The following SPECC1 variants were observed in gnomAD, a reference collection of about 807,000 sequenced individuals.
The protein encoded by SPECC1 is sperm antigen with calponin homology and coiled-coil domains 1, also known as cytospin-B.
In SPECC1, 62 loss-of-function variants were observed where a neutral mutation model predicts 104.1. That is an observed-to-expected ratio of 0.60 (90% confidence interval 0.49 to 0.74). SPECC1 has a LOEUF of 0.74. SPECC1 is among the 30% of genes least tolerant of loss of function. The probability of loss-of-function intolerance (pLI) is 0.00; values close to 1 mark genes in which losing one functional copy is unlikely to be tolerated. For synonymous variants in SPECC1, 513 were observed against 501.6 expected (o/e 1.02, Z -0.30); for missense variants, 1,306 against 1,310.5 (o/e 1.00, Z 0.05).
chr17:20,148,003 C>G (rs1393090047), intron 3 of SPECC1, among the ~76,000 whole-genome samples: 2 of 152,142 alleles, frequency 1.3e-5, no homozygotes, highest in Non-Finnish European at 2.9e-5. Flanking sequence ...AATTGGGCCA[C>G]TGTATTCAAG....
At position 20,318,464 on chromosome 17, in the gene SPECC1, G is replaced by A; in HGVS notation, c.*4399G>A. ...GTTAGATAAAAACACACATCCCCAG[G>A]GGACAAGCCATCCAGCGGTGAGGAA... On this transcript the variant is annotated 3_prime_UTR_variant, in exon 15 of 15. Coordinates refer to ENST00000395527, the MANE Select transcript of SPECC1 (RefSeq NM_001243439.2). The A allele has an allele frequency of 8.6e-6, 2 of 231,666 alleles. No homozygotes were observed. Among genetic ancestry groups the A allele is most frequent in the East Asian group, 1.2e-4 (2 of 16,386 alleles). The allele number at this position is 231,666 out of a possible 1,614,324, so 14.4% of individuals were successfully genotyped here. A position where few individuals can be genotyped will look rare whatever the true frequency, so the allele number is the denominator to read the frequency against.
intron 3 of SPECC1, among the ~76,000 whole-genome samples, chr17:20,148,237 T>C (rs1356540812): frequency 1.3e-5 from 2 of 152,126 alleles, no homozygotes; most frequent in African/African-American, 4.8e-5. Context: ...TGATAAATTT[T>C]ACTTGAAATT....
At chr17:20,218,634 T>C (rs951147798) in intron 4 of SPECC1, among the ~76,000 whole-genome samples, 2 of 152,108 alleles carry the variant, frequency 1.3e-5, no homozygotes, top group African/African-American at 4.8e-5. Flanking sequence ...CCTTATTCTT[T>C]TTTTCTAATT....
At chr17:20,025,459 T>C (rs2044562836) in intron 1 of SPECC1, among the ~76,000 whole-genome samples, 1 of 152,226 alleles carries the variant, frequency 6.6e-6, no homozygotes, top group Admixed American at 6.5e-5. Flanking sequence ...ATGCATGGAA[T>C]CATAATCTGT....
At chr17:20,082,715 C>T (rs1285095411) in intron 1 of SPECC1, among the ~76,000 whole-genome samples, 2 of 152,158 alleles carry the variant, frequency 1.3e-5, no homozygotes, top group African/African-American at 2.4e-5. Flanking sequence ...GATTAGGGCT[C>T]AACCATATGA....
intron 3 of SPECC1, among the ~76,000 whole-genome samples, chr17:20,111,354 A>G (rs1271507935): frequency 6.6e-6 from 1 of 152,234 alleles, no homozygotes; most frequent in South Asian, 2.1e-4. Flanking sequence ...CTCAAAAGGT[A>G]TATTTTAATT....
rs577275932 is a variant in SPECC1 at position 20,240,865 on chromosome 17, CTG to C, written c.2352-5059_2352-5058del. 1.2e-3 allele frequency among the ~76,000 whole-genome samples: 181 copies of C among 152,350 alleles called. 1 individual carries two copies. Among genetic ancestry groups the C allele is most frequent in the African/African-American group, 3.8e-3 (160 of 41,588 alleles). On this transcript the variant is annotated intron_variant, in intron 7 of 14. Coordinates refer to ENST00000395527, the MANE Select transcript of SPECC1 (RefSeq NM_001243439.2). ...AGGCAGACAGTATCAGTGTTGAACTCTGTTTCCAGTCATGAATTTACAAACGC... is the reference window on the plus strand; with the variant it reads ...AGGCAGACAGTATCAGTGTTGAACTCTTTCCAGTCATGAATTTACAAACGC...
intron 1 of SPECC1, among the ~76,000 whole-genome samples, chr17:20,036,481 A>G (rs576927150): frequency 2.6e-5 from 4 of 152,354 alleles, no homozygotes; most frequent in South Asian, 2.1e-4. Flanking sequence ...TTTATCATGT[A>G]CAACATGATG....
In SPECC1 at chr17:20,104,759, A is replaced by G. The variant is rs866408905; in HGVS notation, c.148-5668A>G. 3.0e-3 allele frequency among the ~76,000 whole-genome samples: 446 copies of G among 150,078 alleles called. 3 individuals carry two copies. The highest frequency in any genetic ancestry group is 0.01 in the African/African-American group (414 of 40,834). On this transcript the variant is annotated intron_variant, in intron 2 of 14. Coordinates refer to ENST00000395527, the MANE Select transcript of SPECC1 (RefSeq NM_001243439.2). Reference sequence around the variant, plus strand: ...CTGTCTCAAAAAAAAAAAAAAAAAAAAAAAAAAGAAAAAAAAATTCTCTTT... The same window carrying G: ...CTGTCTCAAAAAAAAAAAAAAAAAAGAAAAAAAGAAAAAAAAATTCTCTTT...
chr17:20,010,091 G>T (rs935717147), intron 1 of SPECC1: 1 of 151,852 alleles, frequency 6.6e-6, no homozygotes, highest in East Asian at 1.9e-4. Flanking sequence ...GCGTGCGGAA[G>T]TAACGACCTC....
intron 13 of SPECC1, among the ~76,000 whole-genome samples, chr17:20,298,945 G>GAGAGAGAGAGAGAGAT (rs2041452051): frequency 1.3e-5 from 1 of 76,854 alleles, no homozygotes; most frequent in Non-Finnish European, 2.3e-5. Flanking sequence ...GAGAGAGAGA[G>GAGAGAGAGAGAGAGAT]AGAGTGTGTG....
chr17:20,284,702 T>C (rs2040883633), intron 12 of SPECC1, among the ~76,000 whole-genome samples: 1 of 152,238 alleles, frequency 6.6e-6, no homozygotes, highest in African/African-American at 2.4e-5. Flanking sequence ...TTTTATCCTC[T>C]GTGATCTGTA....
intron 5 of SPECC1, among the ~76,000 whole-genome samples, chr17:20,230,145 A>G (rs1037750085): frequency 1.2e-4 from 18 of 152,222 alleles, no homozygotes; most frequent in African/African-American, 3.1e-4. Context: ...TATAATGCAA[A>G]TGGCATTTTA....
chr17:20,313,562 T>TCAGCCCACGTAATGGCA (rs776386717), intron 14 of SPECC1, among the ~76,000 whole-genome samples: 2 of 152,332 alleles, frequency 1.3e-5, no homozygotes, highest in East Asian at 3.9e-4. Context: ...TGTGAAATGC[T>TCAGCCCACGTAATGGCA]CAGCCCACGT....
At chr17:20,217,063 C>T (rs2037536947) in intron 4 of SPECC1, among the ~76,000 whole-genome samples, 1 of 152,084 alleles carries the variant, frequency 6.6e-6, no homozygotes, top group Non-Finnish European at 1.5e-5. Flanking sequence ...GTGAATAGGG[C>T]CTGGATCCCC....
At chr17:20,105,997 C>T (rs547401444) in intron 2 of SPECC1, among the ~76,000 whole-genome samples, 1 of 152,296 alleles carries the variant, frequency 6.6e-6, no homozygotes, top group African/African-American at 2.4e-5. Flanking sequence ...TTGGCCTTTG[C>T]TGTAGAGTTT....
intron 1 of SPECC1, among the ~76,000 whole-genome samples, chr17:20,031,406 G>A (rs1168357873): frequency 2.0e-5 from 3 of 151,990 alleles, no homozygotes; most frequent in South Asian, 2.1e-4. Context: ...TGCAACCTCC[G>A]CCTTCTGGTT....
chr17:20,302,641 A>G (rs2041626415), intron 13 of SPECC1, among the ~76,000 whole-genome samples: 1 of 151,238 alleles, frequency 6.6e-6, no homozygotes, highest in Non-Finnish European at 1.5e-5. Context: ...TCATCAAGGG[A>G]TCCTCCCACC....
In SPECC1 at chr17:20,260,247, C is replaced by T. The variant is rs754744488; in HGVS notation, c.2893C>T (p.Arg965Cys). Residue 965 changes from arginine (R) to cysteine (C), a missense_variant, in exon 12 of 15, where the codon CGC becomes TGC. By Grantham distance (180) the Arg-to-Cys change is radical. Coordinates refer to ENST00000395527, the MANE Select transcript of SPECC1 (RefSeq NM_001243439.2). ...ALAREYGGSK[R>C]NALLKWCQKK... is the part of the protein sequence containing the mutation. Reference sequence around the variant, plus strand: ...GGCCCGGGAATACGGTGGTTCCAAGCGCAATGCTCTACTGAAATGGTGCCA... The same window carrying T: ...GGCCCGGGAATACGGTGGTTCCAAGTGCAATGCTCTACTGAAATGGTGCCA... The T allele has an allele frequency of 3.1e-6, 5 of 1,613,994 alleles. No homozygotes were observed. Among genetic ancestry groups the T allele is most frequent in the Non-Finnish European group, 4.2e-6 (5 of 1,179,932 alleles).
Sources: allele counts gnomAD v4.1 joint callset (sites outside exome capture counted in the v4.1 genomes callset), GRCh38; gene constraint gnomAD v4.1.1; transcripts MANE v1.5; gene names NCBI Gene and HGNC (gene_info 2026-07-23, HGNC 2026-07-21).